The following ASTL variants were observed in gnomAD, a reference collection of about 807,000 sequenced individuals.
ASTL encodes astacin-like metalloendopeptidase.
Under a neutral mutation model 36.7 loss-of-function variants are expected in ASTL, and 27 were observed. The ratio of observed to expected loss-of-function variants is 0.73; its 90% CI spans 0.54 to 1.01. The LOEUF (loss-of-function observed/expected upper bound fraction) is 1.01, where lower values mean the gene tolerates loss of function less well. Ranked by LOEUF, ASTL falls within the 50% of genes least tolerant of loss-of-function variation. ASTL has a pLI of 0.00. For synonymous variants in ASTL, 222 were observed against 228.1 expected, an observed-to-expected ratio of 0.97 and a Z score of 0.24; for missense variants, 524 against 572.8, an observed-to-expected ratio of 0.91 and a Z score of 0.87.
At chr2:96,138,517 C>A, upstream of ASTL, 1 of 1,223,124 alleles carries the variant, frequency 8.2e-7, no homozygotes, top group East Asian at 2.5e-5. Context: ...CCGGCACCAC[C>A]ACCCCCTCTT....
At position 96,124,294 on chromosome 2, in the gene ASTL, T is replaced by A. The variant is rs751291011; in HGVS notation, c.875-23A>T. 1 of 1,497,762 alleles carries A rather than the reference T, an allele frequency of 6.7e-7. No homozygotes were observed. The highest frequency in any genetic ancestry group is 2.4e-5 in the Admixed American group (1 of 42,212). 92.8% of individuals were successfully genotyped at this position (1,497,762 alleles called of 1,614,324 possible). A position where few individuals can be genotyped will look rare whatever the true frequency, so the allele number is the denominator to read the frequency against. ...ACCCTGCAACAGAAAAGACAGGAGG[T>A]GGAACCTCAGAACTGTAGGATGACA... On this transcript the variant is annotated intron_variant, in intron 8 of 8. Coordinates refer to ENST00000342380, the MANE Select transcript of ASTL (RefSeq NM_001002036.4). The surrounding 1 kb of genome is among the most constrained non-coding windows in gnomAD (Gnocchi z 4.1).
chr2:96,125,239 G>A (rs754393328), intron 8 of ASTL, among the ~76,000 whole-genome samples: 2 of 151,856 alleles, frequency 1.3e-5, no homozygotes, highest in Admixed American at 6.6e-5. Context: ...GCCCTAGAAC[G>A]CTAGCATCCC....
In ASTL at chr2:96,133,708, G is replaced by A. The variant is rs573513762; in HGVS notation, c.338-166C>T. 7.6e-5 allele frequency: 49 copies of A among 642,238 alleles called. No homozygotes were observed. The East Asian group carries it at 1.3e-3, about 17-fold the overall frequency. 39.8% of individuals were successfully genotyped at this position (642,238 alleles called of 1,614,324 possible). A position where few individuals can be genotyped will look rare whatever the true frequency, so the allele number is the denominator to read the frequency against. The stretch of plus-strand genomic sequence containing the variant: ...GGCCCCAGACAGACCCTGGCTGTGT[G>A]GCCTTGGGTAGGTCACTGTCCTCTG... On this transcript the variant is annotated intron_variant, in intron 4 of 8. Transcript: ENST00000342380.
intron 8 of ASTL, among the ~76,000 whole-genome samples, chr2:96,126,850 C>G (rs1682074593): frequency 6.8e-6 from 1 of 147,480 alleles, no homozygotes; most frequent in South Asian, 2.1e-4. Context: ...AGTGAGACTC[C>G]ATCTCAAAAA....
At position 96,135,366 on chromosome 2, in the gene ASTL, C is replaced by A. The variant is rs754058897; in HGVS notation, c.228G>T (p.Gly76=). Residue 76 remains glycine (G), a synonymous_variant, in exon 3 of 9, where the codon GGG becomes GGT. Transcript: ENST00000342380. ...GTGCACTCACCGGCCGGATGATGTC[C>A]CCCTCGATGAGGAAGCTGCTCTCTG... ...ETPESSFLIE[G]DIIRPSPFRL... The A allele has an allele frequency of 1.2e-6, 2 of 1,614,174 alleles. No homozygotes were observed. The highest frequency in any genetic ancestry group is 1.1e-5 in the South Asian group (1 of 91,080).
At chr2:96,136,736 C>T (rs115504929) in intron 2 of ASTL, among the ~76,000 whole-genome samples, 3,725 of 152,320 alleles carry the variant, frequency 0.024, 81 homozygotes, top group Admixed American at 0.064. Context: ...GTGCTTCAGC[C>T]CTCATTGCTC....
chr2:96,129,691 C>A, intron 8 of ASTL, 133 bp downstream of exon 8: 1 of 762,928 alleles, frequency 1.3e-6, no homozygotes, highest in African/African-American at 1.8e-5. Flanking sequence ...TGTTCTGCGT[C>A]GTTGTGGCAA....
At chr2:96,138,355 A>G (rs1356235119) in intron 1 of ASTL, 27 bp downstream of exon 1, 2 of 1,595,236 alleles carry the variant, frequency 1.3e-6, no homozygotes. Context: ...TGGAGCCAGC[A>G]GCAGGAGGGA....
intron 8 of ASTL, among the ~76,000 whole-genome samples, chr2:96,126,133 C>T (rs1040448541): frequency 6.6e-6 from 1 of 152,110 alleles, no homozygotes; most frequent in Non-Finnish European, 1.5e-5. Flanking sequence ...GCAAAGGCGT[C>T]ATAGACACCA....
rs777585652 is a variant in ASTL at position 96,129,931 on chromosome 2, G to A, written c.767C>T (p.Ala256Val). The A allele has an allele frequency of 1.9e-5, 31 of 1,606,252 alleles. No individual in the cohort carries two copies. Among genetic ancestry groups the A allele is most frequent in the Non-Finnish European group, 2.4e-5 (28 of 1,174,324 alleles). The change falls in exon 8 of 9, where the codon GCC (alanine) becomes GTC (valine). Residue 256 changes from alanine (A) to valine (V), a missense_variant. Physicochemically the swap from Ala to Val is moderately conservative, Grantham distance 64. Coordinates refer to ENST00000342380, the MANE Select transcript of ASTL (RefSeq NM_001002036.4). ...RGLPTITPLW[A>V]PSVHIGQRWN... is the part of the protein sequence containing the mutation. ...TCGCTGGCCGATGTGGACACTGGGG[G>A]CCCAAAGTGGTGTGATGGTGGGCAG...
rs1259903267 is a variant in ASTL, at chr2:96,132,591, GC to G, written c.585del (p.Arg196GlyfsTer32). The G allele has an allele frequency of 3.1e-6, 5 of 1,612,416 alleles. No individual in the cohort carries two copies. In the African/African-American group the frequency reaches 5.3e-5, roughly 17 times the overall value. Reference sequence around the variant, plus strand: ...CGGATATAGCGGTCCCGGTCGGCCCGCGTGTGCTCGTGCCAGAAGCCCAGCA... The same window carrying G: ...CGGATATAGCGGTCCCGGTCGGCCCGGTGTGCTCGTGCCAGAAGCCCAGCA... ...MHVLGFWHEH[T>X]RADRDRYIRV... On this transcript the variant is annotated frameshift_variant, in exon 6 of 9. Transcript: ENST00000342380. LOFTEE classifies it high-confidence loss of function. The surrounding 1 kb of genome is among the most constrained non-coding windows in gnomAD (Gnocchi z 5.4).
At chr2:96,126,792 G>A (rs1682072982) in intron 8 of ASTL, among the ~76,000 whole-genome samples, 2 of 151,682 alleles carry the variant, frequency 1.3e-5, no homozygotes, top group African/African-American at 2.4e-5. Flanking sequence ...GGAGGTGGAG[G>A]TTGTAATGAG....
At position 96,133,777 on chromosome 2, in the gene ASTL, C is replaced by T. The variant is rs1259045132; in HGVS notation, c.337+188G>A. 4 of 648,894 alleles carry T rather than the reference C, an allele frequency of 6.2e-6. No individual in the cohort carries two copies. The Admixed American group carries it at 9.1e-5, about 15-fold the overall frequency. 40.2% of individuals were successfully genotyped at this position (648,894 alleles called of 1,614,324 possible). A position where few individuals can be genotyped will look rare whatever the true frequency, so the allele number is the denominator to read the frequency against. ...GGAACCAGATCCCCACTCGACATAC[C>T]TTCCCATCAGATTTTAACCCTCCCT... On this transcript the variant is annotated intron_variant, in intron 4 of 8. Coordinates refer to ENST00000342380, the MANE Select transcript of ASTL (RefSeq NM_001002036.4).
rs1262666611 is a variant in ASTL, at chr2:96,124,240, G to A, written c.906C>T (p.Pro302=). The change falls in exon 9 of 9, where the codon CCC becomes CCT. Residue 302 remains proline (P), a synonymous_variant. Transcript: ENST00000342380. This position sits in a 1 kb window ranked among gnomAD's most constrained non-coding sequence, Gnocchi z 4.1. ...GCTGCAGAGATAGGGAGGCCGGAGC[G>A]GGGCTCCTACCAGTGCTGTGGGCAT... ...GSHAHSTGRS[P]APASLSLQRL... is the part of the protein sequence containing the mutation. 3.2e-5 allele frequency: 49 copies of A among 1,515,676 alleles called. No individual in the cohort carries two copies. The highest frequency in any genetic ancestry group is 1.3e-4 in the South Asian group (10 of 74,880). The allele number at this position is 1,515,676 out of a possible 1,614,324, so 93.9% of individuals were successfully genotyped here.
intron 6 of ASTL, among the ~76,000 whole-genome samples, chr2:96,130,872 A>T (rs1169482583): frequency 6.6e-6 from 1 of 152,238 alleles, no homozygotes; most frequent in Non-Finnish European, 1.5e-5. Flanking sequence ...TTGAATAAGT[A>T]GTATATTCAT....
intron 6 of ASTL, 68 bp from the exon 7 acceptor site, chr2:96,130,213 G>C (rs1348565025): frequency 3.2e-6 from 4 of 1,231,804 alleles, no homozygotes; most frequent in Non-Finnish European, 4.8e-6. Flanking sequence ...GCAGGCAATG[G>C]CTGGGAGAGT....
rs976246062 is a variant in ASTL at position 96,132,892 on chromosome 2, G to C, written c.456-171C>G. Among the ~76,000 whole-genome samples, 1 of 152,146 alleles carries C rather than the reference G, an allele frequency of 6.6e-6. No individual in the cohort carries two copies. Among genetic ancestry groups the C allele is most frequent in the African/African-American group, 2.4e-5 (1 of 41,410 alleles). The stretch of plus-strand genomic sequence containing the variant: ...ATTCTCCAGGCCCCTTTACTGCCTG[G>C]ACTTCTGTGAAATGGCCATACCGGA... On this transcript the variant is annotated intron_variant, in intron 5 of 8. Transcript: ENST00000342380. This position sits in a 1 kb window ranked among gnomAD's most constrained non-coding sequence, Gnocchi z 5.4.
chr2:96,130,263 G>A, intron 6 of ASTL, 118 bp from the exon 7 acceptor site: 1 of 769,442 alleles, frequency 1.3e-6, no homozygotes, highest in South Asian at 1.6e-5. Context: ...GAGGGGCTGA[G>A]CCCACAGCCA....
Position 96,122,927 on chromosome 2 carries a change from C to G in ASTL, c.*923G>C, listed in dbSNP as rs1681987278. Among the ~76,000 whole-genome samples the G allele has an allele frequency of 6.6e-6, 1 of 152,242 alleles. No individual in the cohort carries two copies. The highest frequency in any genetic ancestry group is 1.5e-5 in the Non-Finnish European group (1 of 68,036). ...TCTGAAAGGCCACCAAAACAGTACC[C>G]TTGGGGACTGAGGGGCCTCTGGCCT... is the stretch of plus-strand genomic sequence containing the variant. On this transcript the variant is annotated 3_prime_UTR_variant, in exon 9 of 9. Coordinates refer to ENST00000342380, the MANE Select transcript of ASTL (RefSeq NM_001002036.4).
Sources: allele counts gnomAD v4.1 joint callset (sites outside exome capture counted in the v4.1 genomes callset), GRCh38; gene constraint gnomAD v4.1.1; non-coding constraint Gnocchi (gnomAD v3.1); transcripts MANE v1.5; gene names NCBI Gene and HGNC (gene_info 2026-07-23, HGNC 2026-07-21).